MTMR12: variants seen among roughly 807,000 people sequenced by gnomAD.
MTMR12 encodes the protein myotubularin related protein 12.
In MTMR12, 33 loss-of-function variants were observed where a neutral mutation model predicts 96.7. The ratio of observed to expected loss-of-function variants is 0.34; its 90% CI spans 0.26 to 0.46. The LOEUF (loss-of-function observed/expected upper bound fraction) is 0.46, where lower values mean the gene tolerates loss of function less well. Ranked by LOEUF, MTMR12 falls within the 20% of genes least tolerant of loss-of-function variation. The pLI, the probability that MTMR12 is intolerant of heterozygous loss-of-function variation, is 1.00. For synonymous variants in MTMR12, 298 were observed against 327.2 expected (o/e 0.91, Z 0.96); for missense variants, 721 against 896.1 (o/e 0.80, Z 2.49).
At chr5:32,235,233 G>A (rs941843938) in intron 13 of MTMR12, 104 bp from the exon 14 acceptor site, 1 of 1,051,776 alleles carries the variant, frequency 9.5e-7, no homozygotes, top group African/African-American at 1.6e-5. Flanking sequence ...GCACTTCTGA[G>A]GACTTCATTC....
chr5:32,235,820 G>C (rs1333910611), intron 13 of MTMR12, among the ~76,000 whole-genome samples: 2 of 152,186 alleles, frequency 1.3e-5, no homozygotes, highest in African/African-American at 4.8e-5. Context: ...TTTCTAGTGT[G>C]CTTTATCATT....
chr5:32,270,730 C>T, intron 5 of MTMR12, 87 bp downstream of exon 5: 2 of 1,436,012 alleles, frequency 1.4e-6, no homozygotes, highest in South Asian at 1.4e-5. Flanking sequence ...AGCCTCCCCT[C>T]AACCTTCATG....
intron 1 of MTMR12, among the ~76,000 whole-genome samples, chr5:32,280,071 C>T (rs1226240894): frequency 6.6e-6 from 1 of 152,238 alleles, no homozygotes; most frequent in Non-Finnish European, 1.5e-5. Flanking sequence ...ATTTACTTCA[C>T]TGGTTCTTGA....
chr5:32,269,692 C>A (rs1212474207), intron 5 of MTMR12, among the ~76,000 whole-genome samples: 1 of 152,164 alleles, frequency 6.6e-6, no homozygotes, highest in African/African-American at 2.4e-5. Context: ...TGCTAAAAAA[C>A]GTAAGTGCCA....
chr5:32,299,824 G>A (rs1751069640), intron 1 of MTMR12, among the ~76,000 whole-genome samples: 1 of 152,204 alleles, frequency 6.6e-6, no homozygotes, highest in African/African-American at 2.4e-5. Context: ...GATGGGGAAA[G>A]ATGTCACCCA....
Position 32,312,805 on chromosome 5 carries a change from C to G in MTMR12, c.34G>C (p.Gly12Arg). 1.3e-6 allele frequency: 2 copies of G among 1,533,118 alleles called. No homozygotes were observed. The highest frequency in any genetic ancestry group is 8.7e-7 in the Non-Finnish European group (1 of 1,143,156). The allele number at this position is 1,533,118 out of a possible 1,614,324, so 95.0% of individuals were successfully genotyped here. A position where few individuals can be genotyped will look rare whatever the true frequency, so the allele number is the denominator to read the frequency against. Residue 12 changes from glycine to arginine, a missense_variant, in exon 1 of 16, where the codon GGC becomes CGC. Gly to Arg is a moderately radical substitution (Grantham distance 125, BLOSUM62 -2). Coordinates refer to ENST00000382142, the MANE Select transcript of MTMR12 (RefSeq NM_001040446.3). This position sits in a 1 kb window ranked among gnomAD's most constrained non-coding sequence, Gnocchi z 5.0. Reference sequence around the variant, plus strand: ...AAGGAGGGCTTGGGGGCCTTGGTGCCGCCGCCACCGCCGACTACTCCTTTC... The same window carrying G: ...AAGGAGGGCTTGGGGGCCTTGGTGCGGCCGCCACCGCCGACTACTCCTTTC... ...LGKGVVGGGG[G>R]TKAPKPSFVS...
chr5:32,299,159 G>A (rs1751038210), intron 1 of MTMR12, among the ~76,000 whole-genome samples: 1 of 152,008 alleles, frequency 6.6e-6, no homozygotes, highest in Non-Finnish European at 1.5e-5. Context: ...TTTAATAAAT[G>A]TTCACTACCT....
chr5:32,280,606 C>T (rs1182363628), intron 1 of MTMR12, among the ~76,000 whole-genome samples: 3 of 152,068 alleles, frequency 2.0e-5, no homozygotes, highest in African/African-American at 7.2e-5. Flanking sequence ...CAGCATAGTA[C>T]TAATAATTTA....
At chr5:32,276,856 G>A (rs947843477) in intron 1 of MTMR12, 114 bp from the exon 2 acceptor site, 27 of 264,648 alleles carry the variant, frequency 1.0e-4, no homozygotes, top group Admixed American at 3.3e-4. Flanking sequence ...GGAGCTTTTC[G>A]TTTATGTTAC....
At chr5:32,308,725 C>T (rs531635664) in intron 1 of MTMR12, among the ~76,000 whole-genome samples, 4 of 152,068 alleles carry the variant, frequency 2.6e-5, no homozygotes, top group East Asian at 1.9e-4. Context: ...CTGAGCCTCC[C>T]GAGTAACTGG....
chr5:32,267,190 A>T (rs987619619), intron 6 of MTMR12, among the ~76,000 whole-genome samples: 2 of 152,086 alleles, frequency 1.3e-5, no homozygotes, highest in Admixed American at 1.3e-4. Context: ...AGCCTGGCCA[A>T]CATGGTAAAA....
intron 8 of MTMR12, among the ~76,000 whole-genome samples, chr5:32,252,753 T>C (rs981358189): frequency 1.3e-5 from 2 of 152,186 alleles, no homozygotes; most frequent in African/African-American, 2.4e-5. Context: ...CAAAAACACA[T>C]AGGAAGATAA....
chr5:32,233,886 C>T lies in MTMR12; in HGVS notation c.1561G>A (p.Val521Met), dbSNP rs1175326170. ...TQSKPLNLLT[V>M]WDWSVQFEPK... is the part of the protein sequence containing the mutation. ...TCAAACTGCACCGACCAATCCCACA[C>T]GGTGAGCAGATTCAAAGGCTTGCTT... Residue 521 changes from valine (V) to methionine (M), a missense_variant, in exon 15 of 16, where the codon GTG (valine) becomes ATG (methionine). Transcript: ENST00000382142. The surrounding 1 kb of genome is among the most constrained non-coding windows in gnomAD (Gnocchi z 5.0). 5 of 1,614,064 alleles carry T rather than the reference C, an allele frequency of 3.1e-6. No homozygotes were observed. The African/African-American group carries it at 4.0e-5, about 13-fold the overall frequency.
chr5:32,228,477 AT>A lies in MTMR12; in HGVS notation c.*1300del, dbSNP rs1747816053. On this transcript the variant is annotated 3_prime_UTR_variant, in exon 16 of 16. Coordinates refer to ENST00000382142, the MANE Select transcript of MTMR12 (RefSeq NM_001040446.3). ...ACAGGGTTCCACTGAGAACAAAAAA[AT>A]CTGCTCCTTACAAAGTATACTTTCC... The A allele has an allele frequency of 6.7e-6, 1 of 148,696 alleles. No homozygotes were observed. The highest frequency in any genetic ancestry group is 1.5e-5 in the Non-Finnish European group (1 of 67,472). 9.2% of individuals were successfully genotyped at this position (148,696 alleles called of 1,614,324 possible).
At chr5:32,278,160 C>T (rs147269272) in intron 1 of MTMR12, among the ~76,000 whole-genome samples, 72 of 152,304 alleles carry the variant, frequency 4.7e-4, no homozygotes, top group African/African-American at 1.7e-3. Flanking sequence ...CAAAGAGAGG[C>T]ACCATGGGCC....
Position 32,248,120 on chromosome 5 carries a change from G to C in MTMR12, c.903C>G (p.Tyr301Ter). The C allele has an allele frequency of 6.2e-7, 1 of 1,613,176 alleles. No homozygotes were observed. The highest frequency in any genetic ancestry group is 1.1e-5 in the South Asian group (1 of 91,000). Residue 301 changes from tyrosine (Y) to a stop codon, truncating the protein, a stop_gained, in exon 10 of 16, where the codon TAC becomes TAG. Transcript: ENST00000382142. LOFTEE classifies it high-confidence loss of function. ...CATAGGGTGGCCTGTGGATGGTCTT[G>C]TAAATTCTAGGTATCAAAAAGGAAT... is the stretch of plus-strand genomic sequence containing the variant. Reference protein sequence around the residue: ...QIQKSFLDGIYKTIHRPPYEI... With the variant: ...QIQKSFLDGI
intron 1 of MTMR12, among the ~76,000 whole-genome samples, chr5:32,284,317 C>CAAAAAAAAAA (rs57597487): frequency 2.8e-4 from 13 of 47,122 alleles, no homozygotes; most frequent in Admixed American, 4.5e-4. Flanking sequence ...GACCCTGTCT[C>CAAAAAAAAAA]AAAAAAAAAA....
chr5:32,276,613 G>T (rs1030966283), intron 2 of MTMR12, 69 bp downstream of exon 2: 22 of 1,331,144 alleles, frequency 1.7e-5, no homozygotes, highest in Non-Finnish European at 2.4e-5. Context: ...ATATAGCAAG[G>T]CTAGGGATGA....
At chr5:32,262,659 CA>C in intron 7 of MTMR12, among the ~76,000 whole-genome samples, 1 of 152,058 alleles carries the variant, frequency 6.6e-6, no homozygotes, top group East Asian at 1.9e-4. Flanking sequence ...TTCAAAGAGC[CA>C]AAAAGTGAAA....
Sources: gnomAD v4.1 joint callset for allele counts (sites outside exome capture counted in the v4.1 genomes callset) on GRCh38, gnomAD v4.1.1 for gene constraint, Gnocchi (gnomAD v3.1) non-coding constraint, MANE v1.5 for transcripts, NCBI Gene and HGNC (gene_info 2026-07-23, HGNC 2026-07-21) for gene names.